The following ATP8A2 variants were observed in gnomAD, a reference collection of about 807,000 sequenced individuals.
ATP8A2 encodes the protein phospholipid-transporting ATPase IB.
A neutral mutation model predicts 165.6 loss-of-function variants in ATP8A2; 100 were observed. The ratio of observed to expected loss-of-function variants is 0.60; its 90% CI spans 0.51 to 0.71. The LOEUF (loss-of-function observed/expected upper bound fraction) is 0.71, where lower values mean the gene tolerates loss of function less well. Among genes scored for constraint, ATP8A2 ranks in the 30% least tolerant of loss-of-function variants. ATP8A2 has a pLI of 0.00. For missense variants in ATP8A2, 1,227 were observed against 1,479.5 expected, an observed-to-expected ratio of 0.83 and a Z score of 2.80; for synonymous variants, 543 against 548.8, an observed-to-expected ratio of 0.99 and a Z score of 0.15.
intron 2 of ATP8A2, among the ~76,000 whole-genome samples, chr13:25,505,762 A>G (rs866824320): frequency 2.6e-5 from 4 of 152,222 alleles, no homozygotes; most frequent in Non-Finnish European, 5.9e-5. Context: ...TTATTATTAT[A>G]TACAATATAT....
intron 35 of ATP8A2, among the ~76,000 whole-genome samples, chr13:25,981,777 G>A (rs1956173758): frequency 6.6e-6 from 1 of 152,118 alleles, no homozygotes; most frequent in Admixed American, 6.5e-5. Context: ...ACAAAATACA[G>A]ATGGATACAT....
At chr13:25,610,723 G>A (rs116855004) in intron 24 of ATP8A2, among the ~76,000 whole-genome samples, 2,315 of 150,874 alleles carry the variant, frequency 0.015, 31 homozygotes, top group Non-Finnish European at 0.024. Context: ...ATTTCCATTC[G>A]TGGGATGTAT....
intron 24 of ATP8A2, among the ~76,000 whole-genome samples, chr13:25,622,357 A>T (rs1050266606): frequency 6.6e-6 from 1 of 152,130 alleles, no homozygotes; most frequent in Non-Finnish European, 1.5e-5. Flanking sequence ...TAAGATAAGC[A>T]ACAGTGAGAG....
chr13:25,706,713 A>G (rs2137955845), intron 25 of ATP8A2, among the ~76,000 whole-genome samples: 1 of 152,260 alleles, frequency 6.6e-6, no homozygotes, highest in Middle Eastern at 3.4e-3. Context: ...ATGAACGATT[A>G]GTTATAAGCC....
intron 28 of ATP8A2, among the ~76,000 whole-genome samples, chr13:25,833,383 C>T (rs1209469670): frequency 1.3e-5 from 2 of 151,978 alleles, no homozygotes; most frequent in East Asian, 1.9e-4. Context: ...ATGGAATTTA[C>T]ACATATCTGA....
At chr13:25,912,467 T>C (rs948394809) in intron 33 of ATP8A2, among the ~76,000 whole-genome samples, 5 of 152,122 alleles carry the variant, frequency 3.3e-5, no homozygotes, top group Non-Finnish European at 7.4e-5. Flanking sequence ...TTCTTTGAGA[T>C]ATATTATACA....
intron 10 of ATP8A2, among the ~76,000 whole-genome samples, chr13:25,547,986 G>A (rs1331364261): frequency 1.3e-5 from 2 of 152,146 alleles, no homozygotes; most frequent in African/African-American, 4.8e-5. Flanking sequence ...CACATTGGGA[G>A]GCGGAGGTGG....
intron 27 of ATP8A2, among the ~76,000 whole-genome samples, chr13:25,812,004 T>C (rs1165088199): frequency 1.3e-5 from 2 of 152,196 alleles, no homozygotes; most frequent in African/African-American, 4.8e-5. Context: ...CCTCTCTACA[T>C]TACAGCTTTG....
At chr13:25,439,677 A>G (rs1263405098) in intron 1 of ATP8A2, among the ~76,000 whole-genome samples, 2 of 152,152 alleles carry the variant, frequency 1.3e-5, no homozygotes, top group Non-Finnish European at 2.9e-5. Context: ...CTGAGAGGCC[A>G]AGGGCAGGAG....
rs894456783 is a variant in ATP8A2, at chr13:25,530,060, G to A, written c.283G>A (p.Ala95Thr). 5.6e-6 allele frequency: 9 copies of A among 1,611,856 alleles called. No homozygotes were observed. The highest frequency in any genetic ancestry group is 7.6e-6 in the Non-Finnish European group (9 of 1,178,194). ...ATTCTTGTATGAGCAGATTAGAAGA[G>A]CTGCTAATGCCTTCTTTCTCTTCAT... The part of the protein sequence containing the change: ...PRFLYEQIRR[A>T]ANAFFLFIAL... Residue 95 changes from alanine (A) to threonine (T), a missense_variant, in exon 3 of 37, where the codon GCT becomes ACT. Physicochemically the swap from Ala to Thr is moderately conservative, Grantham distance 58. Transcript: ENST00000381655.
intron 2 of ATP8A2, among the ~76,000 whole-genome samples, chr13:25,494,267 A>T (rs2036608631): frequency 6.6e-6 from 1 of 152,172 alleles, no homozygotes; most frequent in African/African-American, 2.4e-5. Flanking sequence ...TTTGGTGATT[A>T]AAAAAATTAC....
At chr13:25,990,059 T>C (rs566212007) in intron 35 of ATP8A2, among the ~76,000 whole-genome samples, 40 of 152,204 alleles carry the variant, frequency 2.6e-4, no homozygotes, top group African/African-American at 9.4e-4. Flanking sequence ...ATCTCAGACA[T>C]GGTTTCAGGG....
intron 24 of ATP8A2, among the ~76,000 whole-genome samples, chr13:25,646,188 G>A (rs1021521389): frequency 6.6e-6 from 1 of 151,940 alleles, no homozygotes; most frequent in Non-Finnish European, 1.5e-5. Flanking sequence ...TCTTTTTCTA[G>A]TTTTTTACTT....
At chr13:25,824,593 A>G (rs540999451) in intron 27 of ATP8A2, among the ~76,000 whole-genome samples, 2 of 152,150 alleles carry the variant, frequency 1.3e-5, no homozygotes, top group Admixed American at 6.5e-5. Context: ...CTGGTCTCCT[A>G]TCACTTTGCA....
rs138436718 is a variant in ATP8A2 at position 25,804,958 on chromosome 13, T to C, written c.2680-23160T>C. 1.7e-3 allele frequency among the ~76,000 whole-genome samples: 255 copies of C among 152,330 alleles called. 1 individual carries two copies. The highest frequency in any genetic ancestry group is 5.8e-3 in the African/African-American group (243 of 41,584). On this transcript the variant is annotated intron_variant, in intron 27 of 36. Coordinates refer to ENST00000381655, the MANE Select transcript of ATP8A2 (RefSeq NM_016529.6). ...AGCATTGTTTAATAGTTTTAAATTA[T>C]GGAGGTCTTAGGTCCAAAATGTAAC... is the stretch of plus-strand genomic sequence containing the variant.
chr13:25,421,871 C>T (rs2034310060), intron 1 of ATP8A2, among the ~76,000 whole-genome samples: 1 of 152,156 alleles, frequency 6.6e-6, no homozygotes, highest in Non-Finnish European at 1.5e-5. Context: ...CTGATAAAGG[C>T]AACATCAGAT....
rs117055992 is a variant in ATP8A2 at position 25,772,297 on chromosome 13, T to A, written c.2569-2552T>A. Among the ~76,000 whole-genome samples the A allele has an allele frequency of 4.7e-4, 72 of 152,274 alleles. No individual in the cohort carries two copies. The East Asian group carries it at 0.012, about 24-fold the overall frequency. On this transcript the variant is annotated intron_variant, in intron 26 of 36. Transcript: ENST00000381655. ...ATTTAGAATATACATTTTTTTTTCCTGAAAACAAATCACTGTAGTGCTCAA... is the reference window on the plus strand; with the variant it reads ...ATTTAGAATATACATTTTTTTTTCCAGAAAACAAATCACTGTAGTGCTCAA...
chr13:25,985,432 C>A lies in ATP8A2; in HGVS notation c.3377+16753C>A, dbSNP rs372030556. On this transcript the variant is annotated intron_variant, in intron 35 of 36. Coordinates refer to ENST00000381655, the MANE Select transcript of ATP8A2 (RefSeq NM_016529.6). ...CCTTGGGCCAGTGGTTCTTAAAGAA[C>A]TCTTATGTCAGTAGAAGATGCTTTC... Among the ~76,000 whole-genome samples the A allele has an allele frequency of 3.3e-5, 5 of 152,274 alleles. No homozygotes were observed. In the East Asian group the frequency reaches 9.7e-4, roughly 29 times the overall value.
At chr13:25,667,956 C>G (rs757880561) in intron 24 of ATP8A2, among the ~76,000 whole-genome samples, 8 of 152,094 alleles carry the variant, frequency 5.3e-5, no homozygotes, top group Non-Finnish European at 1.2e-4. Context: ...CTGTATAGCT[C>G]TGTTCCCCCT....
Sources: gnomAD v4.1 joint callset for allele counts (sites outside exome capture counted in the v4.1 genomes callset) on GRCh38, gnomAD v4.1.1 for gene constraint, MANE v1.5 for transcripts, NCBI Gene and HGNC (gene_info 2026-07-23, HGNC 2026-07-21) for gene names.